The following PTCSC3 variants were observed in gnomAD, a reference collection of about 807,000 sequenced individuals.
PTCSC3 encodes the protein papillary thyroid carcinoma susceptibility candidate 3 (non-protein coding).
In PTCSC3 at chr14:36,162,258, G is replaced by GAAAAAAAA. The variant is rs58223160; in HGVS notation, n.231+358_231+365dup. Among the ~76,000 whole-genome samples the GAAAAAAAA allele has an allele frequency of 1.5e-3, 155 of 106,520 alleles. 4 individuals carry two copies. The highest frequency in any genetic ancestry group is 5.3e-3 in the African/African-American group (109 of 20,754). The allele number at this position is 106,520 out of a possible 152,430, so 69.9% of individuals were successfully genotyped here. A position where few individuals can be genotyped will look rare whatever the true frequency, so the allele number is the denominator to read the frequency against. The stretch of plus-strand genomic sequence containing the variant: ...GCGTTCCAGGAGCTGCTGGGGTATG[G>GAAAAAAAA]AAAAAAAAAAAAAAAAAAAAAAAAA... On this transcript the variant is annotated intron_variant and non_coding_transcript_variant, in intron 2 of 3. Coordinates refer to ENST00000556013, the Ensembl canonical transcript of PTCSC3.
intron 1 of PTCSC3, among the ~76,000 whole-genome samples, chr14:36,169,121 A>G (rs1882148175): frequency 6.6e-6 from 1 of 152,194 alleles, no homozygotes; most frequent in African/African-American, 2.4e-5. Flanking sequence ...CAAACCTGCT[A>G]CTTGATTCAG....
chr14:36,151,075 A>G (rs1881710893), intron 3 of PTCSC3, among the ~76,000 whole-genome samples: 1 of 152,306 alleles, frequency 6.6e-6, no homozygotes, highest in Middle Eastern at 3.4e-3. Context: ...TCTATTGCTG[A>G]CAAATTTCCT....
intron 3 of PTCSC3, among the ~76,000 whole-genome samples, chr14:36,152,714 T>C (rs190730914): frequency 2.6e-4 from 39 of 151,572 alleles, no homozygotes; most frequent in African/African-American, 9.0e-4. Flanking sequence ...GCCAACAAGG[T>C]GAAACCCTTT....
At chr14:36,155,526 T>C (rs1265668653) in intron 2 of PTCSC3, among the ~76,000 whole-genome samples, 2 of 152,026 alleles carry the variant, frequency 1.3e-5, no homozygotes, top group Non-Finnish European at 2.9e-5. Flanking sequence ...TAAATTATAA[T>C]CATTTGCAGC....
chr14:36,175,730 T>A (rs900924138), intron 1 of PTCSC3, among the ~76,000 whole-genome samples: 2 of 152,244 alleles, frequency 1.3e-5, no homozygotes, highest in Non-Finnish European at 2.9e-5. Flanking sequence ...CAGCTATATT[T>A]AACTTGTCTT....
chr14:36,166,248 C>T (rs1882084519), intron 1 of PTCSC3, among the ~76,000 whole-genome samples: 1 of 152,114 alleles, frequency 6.6e-6, no homozygotes, highest in Non-Finnish European at 1.5e-5. Context: ...CTTCCTCTGT[C>T]TTCAGATAAG....
chr14:36,142,720 A>G (rs1304396802), intron 3 of PTCSC3, among the ~76,000 whole-genome samples: 1 of 151,312 alleles, frequency 6.6e-6, no homozygotes, highest in Non-Finnish European at 1.5e-5. Context: ...GGTTAGTTAC[A>G]TATGTATACA....
chr14:36,162,272 A>ACAAAAAAAC (rs1449331183), intron 2 of PTCSC3, among the ~76,000 whole-genome samples: 2,063 of 150,784 alleles, frequency 0.014, 34 homozygotes, highest in South Asian at 0.027. Context: ...AAAAAAAAAA[A>ACAAAAAAAC]AAAAAAAAAA....
chr14:36,145,585 A>G (rs550026686), intron 3 of PTCSC3, among the ~76,000 whole-genome samples: 4 of 116,956 alleles, frequency 3.4e-5, no homozygotes, highest in Admixed American at 8.5e-5. Context: ...CGGTCTATCA[A>G]TTTTGTTGAT....
rs374427949 is a variant in PTCSC3, at chr14:36,154,713, T to G, written n.232-819A>C. Among the ~76,000 whole-genome samples the G allele has an allele frequency of 4.6e-5, 7 of 152,062 alleles. No homozygotes were observed. The East Asian group carries it at 7.7e-4, about 17-fold the overall frequency. ...CAGGAGCACAAGAGGAGTAGAGGCC[T>G]CTCTCTCTTTCCTCTTTCTCTCTCT... is the stretch of plus-strand genomic sequence containing the variant. On this transcript the variant is annotated intron_variant and non_coding_transcript_variant, in intron 2 of 3. Transcript: ENST00000556013.
At chr14:36,167,474 T>C (rs1382825759) in intron 1 of PTCSC3, among the ~76,000 whole-genome samples, 1 of 152,210 alleles carries the variant, frequency 6.6e-6, no homozygotes, top group African/African-American at 2.4e-5. Flanking sequence ...TTAACTTCTG[T>C]ATCAAATGCT....
chr14:36,167,834 C>G (rs1409581394), intron 1 of PTCSC3, among the ~76,000 whole-genome samples: 3 of 152,126 alleles, frequency 2.0e-5, no homozygotes, highest in East Asian at 1.9e-4. Flanking sequence ...TTTAAGCACT[C>G]TAAAATGTTA....
chr14:36,139,139 AAGAAAT>A (rs1167795475), intron 3 of PTCSC3, among the ~76,000 whole-genome samples: 3,441 of 142,568 alleles, frequency 0.024, 202 homozygotes, highest in Middle Eastern at 0.05. Flanking sequence ...AAAAAAAAAA[AAGAAAT>A]GCATATATGT....
At chr14:36,172,029 CAGAA>C (rs1454871046) in intron 1 of PTCSC3, among the ~76,000 whole-genome samples, 1 of 152,088 alleles carries the variant, frequency 6.6e-6, no homozygotes, top group Non-Finnish European at 1.5e-5. Context: ...AACCTCTAAT[CAGAA>C]AGATGACAAC....
chr14:36,162,150 G>T (rs1030193095), intron 2 of PTCSC3, among the ~76,000 whole-genome samples: 2 of 151,986 alleles, frequency 1.3e-5, no homozygotes, highest in African/African-American at 4.8e-5. Flanking sequence ...TGGACTCTGT[G>T]GGGGTGGGAT....
At chr14:36,140,785 T>C (rs1450985266) in intron 3 of PTCSC3, among the ~76,000 whole-genome samples, 1 of 152,212 alleles carries the variant, frequency 6.6e-6, no homozygotes, top group East Asian at 1.9e-4. Flanking sequence ...GTACCTTTGA[T>C]GTTCTAAAAA....
At chr14:36,166,418 C>T (rs1198318097) in intron 1 of PTCSC3, among the ~76,000 whole-genome samples, 1 of 152,144 alleles carries the variant, frequency 6.6e-6, no homozygotes, top group Non-Finnish European at 1.5e-5. Context: ...AGTGAAAACA[C>T]ACTAATAGAT....
chr14:36,159,361 C>T (rs1041931050), intron 2 of PTCSC3, among the ~76,000 whole-genome samples: 2 of 152,094 alleles, frequency 1.3e-5, no homozygotes, highest in Non-Finnish European at 2.9e-5. Flanking sequence ...TTAGATCTTT[C>T]CTGCTTTCTC....
intron 3 of PTCSC3, among the ~76,000 whole-genome samples, chr14:36,146,992 C>T (rs1324428335): frequency 6.6e-6 from 1 of 152,074 alleles, no homozygotes; most frequent in African/African-American, 2.4e-5. Context: ...ATATTGGCCC[C>T]CACTCTCTTC....
Sources: gnomAD v4.1 joint callset for allele counts (sites outside exome capture counted in the v4.1 genomes callset) on GRCh38, gnomAD v4.1.1 for gene constraint, MANE v1.5 for transcripts, NCBI Gene and HGNC (gene_info 2026-07-23, HGNC 2026-07-21) for gene names.